Variants in SPATA13 observed in about 807,000 individuals in gnomAD.
SPATA13 encodes the protein spermatogenesis-associated protein 13.
SPATA13 carries 50 observed loss-of-function variants against 104.0 expected under a neutral mutation model. The ratio of observed to expected loss-of-function variants is 0.48; its 90% CI spans 0.38 to 0.61. The LOEUF (loss-of-function observed/expected upper bound fraction) is 0.61, where lower values mean the gene tolerates loss of function less well. Among genes scored for constraint, SPATA13 ranks in the 20% least tolerant of loss-of-function variants. The pLI is 0.00. For missense variants in SPATA13, 1,524 were observed against 1,690.6 expected (o/e 0.90, Z 1.73); for synonymous variants, 606 against 667.5 (o/e 0.91, Z 1.42).
intron 3 of SPATA13, among the ~76,000 whole-genome samples, chr13:24,074,474 A>G (rs1164169594): frequency 1.3e-5 from 2 of 151,408 alleles, no homozygotes; most frequent in East Asian, 3.9e-4. Context: ...ACCTGGGTGT[A>G]TATGCTTAGC....
At chr13:24,284,756 T>C (rs183164861) in intron 5 of SPATA13, among the ~76,000 whole-genome samples, 46 of 152,316 alleles carry the variant, frequency 3.0e-4, no homozygotes, top group African/African-American at 1.1e-3. Flanking sequence ...CTCGTCTTTT[T>C]AGGTAAGGAA....
intron 3 of SPATA13, among the ~76,000 whole-genome samples, chr13:24,091,139 A>G (rs1290943377): frequency 6.6e-6 from 1 of 152,046 alleles, no homozygotes; most frequent in African/African-American, 2.4e-5. Flanking sequence ...GACCTTCAGT[A>G]CTCTAGCACA....
intron 3 of SPATA13, among the ~76,000 whole-genome samples, chr13:24,104,271 A>G (rs1880364566): frequency 6.7e-6 from 1 of 150,136 alleles, no homozygotes; most frequent in Admixed American, 6.6e-5. Context: ...GTTTTTTTGG[A>G]AAGAATGTTT....
chr13:24,239,929 A>C (rs1365292172), intron 2 of SPATA13, among the ~76,000 whole-genome samples: 2 of 151,860 alleles, frequency 1.3e-5, no homozygotes, highest in African/African-American at 4.9e-5. Flanking sequence ...AACATGTTTT[A>C]AGATGTGGTC....
intron 4 of SPATA13, among the ~76,000 whole-genome samples, chr13:24,283,887 T>C (rs575291602): frequency 6.6e-6 from 1 of 152,360 alleles, no homozygotes; most frequent in East Asian, 1.9e-4. Context: ...AATATCCTGA[T>C]GGTCTTCACT....
At chr13:24,242,733 T>C (rs1208161221) in intron 2 of SPATA13, among the ~76,000 whole-genome samples, 1 of 152,042 alleles carries the variant, frequency 6.6e-6, no homozygotes, top group African/African-American at 2.4e-5. Context: ...CAAGAAAAAA[T>C]GTCATTAAGG....
chr13:24,149,633 T>C (rs1882038005), intron 3 of SPATA13, among the ~76,000 whole-genome samples: 1 of 152,182 alleles, frequency 6.6e-6, no homozygotes, highest in South Asian at 2.1e-4. Context: ...TAGTGCAGCG[T>C]CCTGAATTTG....
chr13:24,255,593 T>G (rs79313076), intron 4 of SPATA13, among the ~76,000 whole-genome samples: 1 of 152,202 alleles, frequency 6.6e-6, no homozygotes, highest in African/African-American at 2.4e-5. Flanking sequence ...AGGACCAGGT[T>G]TGCATTGCAG....
chr13:24,129,623 A>G (rs369953654), intron 3 of SPATA13, among the ~76,000 whole-genome samples: 1 of 152,212 alleles, frequency 6.6e-6, no homozygotes, highest in Non-Finnish European at 1.5e-5. Context: ...CACCCTATGT[A>G]TGGAATCAAA....
chr13:24,297,769 C>A (rs1459408611), intron 11 of SPATA13, 34 bp downstream of exon 11: 2 of 1,577,678 alleles, frequency 1.3e-6, no homozygotes, highest in East Asian at 4.5e-5. Context: ...GCACCTGTGC[C>A]TCTGCTTGCT....
chr13:24,013,872 A>G (rs1052245088), intron 2 of SPATA13, among the ~76,000 whole-genome samples: 61 of 152,092 alleles, frequency 4.0e-4, no homozygotes, highest in African/African-American at 1.4e-3. Flanking sequence ...CAGCCTGGTC[A>G]TGTTGTTCAT....
chr13:24,130,824 CTT>C (rs1221040806), intron 3 of SPATA13, among the ~76,000 whole-genome samples: 1 of 152,204 alleles, frequency 6.6e-6, no homozygotes, highest in Admixed American at 6.5e-5. Context: ...ATGGTGACTG[CTT>C]TTTAAAACCT....
intron 2 of SPATA13, among the ~76,000 whole-genome samples, chr13:24,003,837 C>T (rs1876090864): frequency 1.3e-5 from 2 of 152,068 alleles, no homozygotes; most frequent in African/African-American, 4.8e-5. Context: ...ATATTTAATA[C>T]AATATTAGAG....
intron 3 of SPATA13, among the ~76,000 whole-genome samples, chr13:24,127,436 A>G (rs771014873): frequency 1.3e-5 from 2 of 152,130 alleles, no homozygotes; most frequent in Non-Finnish European, 2.9e-5. Context: ...CTGAAATCCA[A>G]CCAGAGGCCA....
At chr13:24,294,635 G>A in intron 9 of SPATA13, 104 bp from the exon 10 acceptor site, 2 of 1,299,220 alleles carry the variant, frequency 1.5e-6, no homozygotes, top group South Asian at 1.6e-5. Flanking sequence ...ATGTCACTTT[G>A]TCTAGAGCAT....
intron 1 of SPATA13, among the ~76,000 whole-genome samples, chr13:24,186,398 C>T (rs909326193): frequency 2.6e-5 from 4 of 152,130 alleles, no homozygotes; most frequent in East Asian, 1.9e-4. Flanking sequence ...CACAAACTCA[C>T]GTGTTGTATG....
At chr13:24,288,393 T>C (rs1593503239) in intron 7 of SPATA13, among the ~76,000 whole-genome samples, 1 of 152,352 alleles carries the variant, frequency 6.6e-6, no homozygotes, top group East Asian at 1.9e-4. Flanking sequence ...TGATAACTCT[T>C]TTTGAGTTAG....
chr13:24,286,657 G>A lies in SPATA13; in HGVS notation c.2482-108G>A. On this transcript the variant is annotated intron_variant, in intron 6 of 12. Transcript: ENST00000382108. This position sits in a 1 kb window ranked among gnomAD's most constrained non-coding sequence, Gnocchi z 4.9. ...ATGAGACTCAGGCGAGGGCCAGGCT[G>A]CCTTCCTAACAGGTCACAGGAAAGT... 2.7e-6 allele frequency: 3 copies of A among 1,096,852 alleles called. No individual in the cohort carries two copies. Among genetic ancestry groups the A allele is most frequent in the Non-Finnish European group, 3.9e-6 (3 of 773,344 alleles). 67.9% of individuals were successfully genotyped at this position (1,096,852 alleles called of 1,614,324 possible).
At position 24,223,511 on chromosome 13, in the gene SPATA13, G is replaced by C; in HGVS notation, c.582G>C (p.Gln194His). 31 of 1,548,434 alleles carry C rather than the reference G, an allele frequency of 2.0e-5. No homozygotes were observed. Among genetic ancestry groups the C allele is most frequent in the Non-Finnish European group, 2.7e-5 (31 of 1,146,992 alleles). Residue 194 changes from glutamine (Q) to histidine (H), a missense_variant, in exon 2 of 13, where the codon CAG (glutamine) becomes CAC (histidine). Physicochemically the swap from Gln to His is conservative, Grantham distance 24. This residue lies in a region of SPATA13 where 1,089 missense variants were observed against 1,135.9 expected (regional missense o/e 0.96). Transcript: ENST00000382108. ...SDLEDTDDAF[Q>H]RSTHRSRSLR... Reference sequence around the variant, plus strand: ...TCGAGGACACGGACGATGCCTTCCAGCGGAGCACACACCGCTCCCGCAGCC... The same window carrying C: ...TCGAGGACACGGACGATGCCTTCCACCGGAGCACACACCGCTCCCGCAGCC...
Sources: allele counts gnomAD v4.1 joint callset (sites outside exome capture counted in the v4.1 genomes callset), GRCh38; gene constraint gnomAD v4.1.1; regional missense constraint gnomAD v4.1.1; non-coding constraint Gnocchi (gnomAD v3.1); transcripts MANE v1.5; gene names NCBI Gene and HGNC (gene_info 2026-07-23, HGNC 2026-07-21).